ZMPSTE24: variants seen among roughly 807,000 people sequenced by gnomAD.
ZMPSTE24 encodes the protein CAAX prenyl protease 1 homolog.
Under a neutral mutation model 56.7 loss-of-function variants are expected in ZMPSTE24, and 48 were observed. The observed-to-expected ratio is 0.85, with a 90% CI of 0.67 to 1.08. ZMPSTE24 has a LOEUF of 1.08. Ranked by LOEUF, ZMPSTE24 falls within the 50% of genes least tolerant of loss-of-function variation. The probability of loss-of-function intolerance (pLI) is 0.00; values close to 1 mark genes in which losing one functional copy is unlikely to be tolerated. For synonymous variants in ZMPSTE24, 172 were observed against 195.2 expected (o/e 0.88, Z 0.99); for missense variants, 503 against 548.7 (o/e 0.92, Z 0.83).
intron 6 of ZMPSTE24, among the ~76,000 whole-genome samples, chr1:40,280,541 C>T (rs1643718541): frequency 6.6e-6 from 1 of 152,006 alleles, no homozygotes; most frequent in African/African-American, 2.4e-5. Context: ...TCTCATGCCT[C>T]AGCCCCACGT....
intron 4 of ZMPSTE24, 68 bp from the exon 5 acceptor site, chr1:40,269,907 A>C: frequency 6.5e-7 from 1 of 1,544,358 alleles, no homozygotes; most frequent in Non-Finnish European, 8.8e-7. Context: ...CTTTGTATTT[A>C]TTTATCAGTT....
In ZMPSTE24 at chr1:40,292,611, A is replaced by T. The variant is rs1276555483; in HGVS notation, c.1370A>T (p.Tyr457Phe). 1 of 1,614,122 alleles carries T rather than the reference A, an allele frequency of 6.2e-7. No individual in the cohort carries two copies. The highest frequency in any genetic ancestry group is 8.5e-7 in the Non-Finnish European group (1 of 1,179,990). Residue 457 changes from tyrosine to phenylalanine, a missense_variant, in exon 10 of 10, where the codon TAT becomes TTT. By Grantham distance (22) the Tyr-to-Phe change is conservative (BLOSUM62 3). Coordinates refer to ENST00000372759, the MANE Select transcript of ZMPSTE24 (RefSeq NM_005857.5). ...VSDWLFSMWH[Y>F]SHPPLLERLQ... is the part of the protein sequence containing the mutation. ...GACTGGTTGTTCTCAATGTGGCATT[A>T]TTCTCATCCTCCACTGCTAGAGAGA...
intron 9 of ZMPSTE24, among the ~76,000 whole-genome samples, chr1:40,292,008 T>C (rs529849422): frequency 6.6e-6 from 1 of 152,058 alleles, no homozygotes; most frequent in East Asian, 1.9e-4. Context: ...GCCCAGCTAA[T>C]TTTTGTATTT....
At chr1:40,280,511 G>A (rs1053786123) in intron 6 of ZMPSTE24, among the ~76,000 whole-genome samples, 12 of 151,582 alleles carry the variant, frequency 7.9e-5, no homozygotes, top group African/African-American at 2.9e-4. Flanking sequence ...TGCAACCTCC[G>A]TCTCCTGGGT....
At chr1:40,271,566 G>A (rs549606888) in intron 5 of ZMPSTE24, among the ~76,000 whole-genome samples, 1 of 152,336 alleles carries the variant, frequency 6.6e-6, no homozygotes, top group African/African-American at 2.4e-5. Context: ...ATTGACTCAT[G>A]AAGCATCAGA....
chr1:40,263,730 CTT>C (rs1282418065), intron 2 of ZMPSTE24, among the ~76,000 whole-genome samples: 67 of 124,066 alleles, frequency 5.4e-4, no homozygotes, highest in Non-Finnish European at 5.9e-4. Flanking sequence ...TTAGCTTCGA[CTT>C]TTTTTTTTTT....
chr1:40,266,516 G>A (rs547582195), intron 2 of ZMPSTE24, among the ~76,000 whole-genome samples: 11 of 152,232 alleles, frequency 7.2e-5, no homozygotes, highest in African/African-American at 2.2e-4. Flanking sequence ...AAGACAAAGG[G>A]TGGTGCTGAG....
intron 8 of ZMPSTE24, among the ~76,000 whole-genome samples, chr1:40,288,148 C>T (rs777952902): frequency 1.3e-5 from 2 of 152,094 alleles, no homozygotes; most frequent in Non-Finnish European, 2.9e-5. Context: ...ACTGCACTTC[C>T]AGCCTGGGTG....
intron 9 of ZMPSTE24, among the ~76,000 whole-genome samples, chr1:40,292,129 A>AC (rs1643849933): frequency 1.3e-5 from 2 of 152,264 alleles, no homozygotes; most frequent in Admixed American, 6.5e-5. Context: ...GGTGTGAGGC[A>AC]CCACACCCGG....
At chr1:40,291,845 T>C (rs1643847060) in intron 9 of ZMPSTE24, among the ~76,000 whole-genome samples, 1 of 151,416 alleles carries the variant, frequency 6.6e-6, no homozygotes, top group Non-Finnish European at 1.5e-5. Context: ...AACTCTTTTT[T>C]TTTTTTTTTT....
intron 8 of ZMPSTE24, among the ~76,000 whole-genome samples, chr1:40,288,376 G>A (rs1643807546): frequency 6.6e-6 from 1 of 152,148 alleles, no homozygotes; most frequent in Admixed American, 6.5e-5. Context: ...GTCTAATAAG[G>A]AAAATCACTG....
chr1:40,259,137 G>A (rs1414771102), intron 1 of ZMPSTE24, among the ~76,000 whole-genome samples: 1 of 151,966 alleles, frequency 6.6e-6, no homozygotes, highest in African/African-American at 2.4e-5. Flanking sequence ...CAGCCTGGGC[G>A]ACAAGAGTGA....
chr1:40,293,927 C>G lies in ZMPSTE24; in HGVS notation c.*1258C>G, dbSNP rs1432223520. On this transcript the variant is annotated 3_prime_UTR_variant, in exon 10 of 10. Transcript: ENST00000372759. ...GGGATCAACTGTACGCCTTTGGTAT[C>G]TGACCATAAAGTCTTTTGCTCCGCT... 1 of 152,496 alleles carries G rather than the reference C, an allele frequency of 6.6e-6. No individual in the cohort carries two copies. The highest frequency in any genetic ancestry group is 1.5e-5 in the Non-Finnish European group (1 of 68,040). The allele number at this position is 152,496 out of a possible 1,614,324, so 9.4% of individuals were successfully genotyped here. A position where few individuals can be genotyped will look rare whatever the true frequency, so the allele number is the denominator to read the frequency against.
intron 1 of ZMPSTE24, 107 bp downstream of exon 1, chr1:40,258,501 G>A (rs1048399637): frequency 1.9e-6 from 3 of 1,576,824 alleles, no homozygotes; most frequent in South Asian, 1.1e-5. Context: ...CGCCAGTCTC[G>A]TCTTTGTGGT....
In ZMPSTE24 at chr1:40,267,592, A is replaced by G. The variant is rs544733732; in HGVS notation, c.271-194A>G. 2.0e-5 allele frequency among the ~76,000 whole-genome samples: 3 copies of G among 147,778 alleles called. No individual in the cohort carries two copies. In the East Asian group the frequency reaches 5.8e-4, roughly 29 times the overall value. The stretch of plus-strand genomic sequence containing the variant: ...ACCTTGTTGCCCAGGCTGGTCTTGA[A>G]TTCCTGGCCTCAAGCGATGCTTCTG... On this transcript the variant is annotated intron_variant, in intron 2 of 9. Coordinates refer to ENST00000372759, the MANE Select transcript of ZMPSTE24 (RefSeq NM_005857.5).
At chr1:40,258,417 C>G in intron 1 of ZMPSTE24, 23 bp downstream of exon 1, 1 of 1,613,854 alleles carries the variant, frequency 6.2e-7, no homozygotes, top group Non-Finnish European at 8.5e-7. Context: ...AGGGTCCAAC[C>G]TGACCCCCAT....
In ZMPSTE24 at chr1:40,293,239, C is replaced by T. The variant is rs1643861034; in HGVS notation, c.*570C>T. 1 of 152,670 alleles carries T rather than the reference C, an allele frequency of 6.6e-6. No individual in the cohort carries two copies. The highest frequency in any genetic ancestry group is 2.4e-5 in the African/African-American group (1 of 41,434). 9.5% of individuals were successfully genotyped at this position (152,670 alleles called of 1,614,324 possible). ...TACCAAATTTTTAATTTCTTTCTTC[C>T]CTTTCTTGCTACACAGTGATCAAGA... On this transcript the variant is annotated 3_prime_UTR_variant, in exon 10 of 10. Transcript: ENST00000372759.
At chr1:40,267,420 A>C (rs1327400643) in intron 2 of ZMPSTE24, among the ~76,000 whole-genome samples, 2 of 150,140 alleles carry the variant, frequency 1.3e-5, no homozygotes, top group African/African-American at 4.9e-5. Flanking sequence ...GCTGGAGTGC[A>C]GTGTCACAAT....
rs117153466 is a variant in ZMPSTE24, at chr1:40,291,313, G to A, written c.1203+316G>A. Among the ~76,000 whole-genome samples the A allele has an allele frequency of 1.2e-4, 18 of 152,290 alleles. No homozygotes were observed. In the East Asian group the frequency reaches 3.5e-3, roughly 29 times the overall value. ...CTAGGCCACATATTCACCAGTGCTT[G>A]GGTAAAAATCTTATGTGTATGAGGG... is the stretch of plus-strand genomic sequence containing the variant. On this transcript the variant is annotated intron_variant, in intron 9 of 9. Transcript: ENST00000372759.
Sources: allele counts gnomAD v4.1 joint callset (sites outside exome capture counted in the v4.1 genomes callset), GRCh38; gene constraint gnomAD v4.1.1; transcripts MANE v1.5; gene names NCBI Gene and HGNC (gene_info 2026-07-23, HGNC 2026-07-21).